Variants in SH3YL1 observed in about 807,000 individuals in gnomAD.
SH3YL1 encodes the protein SH3 and SYLF domain containing 1, also known as SH3 domain-containing YSC84-like protein 1.
SH3YL1 carries 41 observed loss-of-function variants against 45.8 expected under a neutral mutation model. The observed-to-expected ratio is 0.89, with a 90% confidence interval of 0.70 to 1.16. The LOEUF (loss-of-function observed/expected upper bound fraction) is 1.16, where lower values mean the gene tolerates loss of function less well. Ranked by LOEUF, SH3YL1 falls within the 50% of genes most tolerant of loss-of-function variation. The pLI is 0.00. For synonymous variants in SH3YL1, 152 were observed against 151.4 expected (o/e 1.00, Z -0.03); for missense variants, 389 against 409.6 (o/e 0.95, Z 0.43).
intron 9 of SH3YL1, among the ~76,000 whole-genome samples, chr2:219,671 T>C (rs1327864403): frequency 6.6e-6 from 1 of 152,198 alleles, no homozygotes; most frequent in African/African-American, 2.4e-5. Context: ...GGATGGCAGA[T>C]GCTGGAGAAA....
chr2:254,775 A>C (rs1265658295), intron 1 of SH3YL1, among the ~76,000 whole-genome samples: 1 of 152,164 alleles, frequency 6.6e-6, no homozygotes, highest in African/African-American at 2.4e-5. Context: ...CAACAGATGG[A>C]ACTCAGACTC....
At chr2:244,150 A>C (rs2067326500) in intron 4 of SH3YL1, among the ~76,000 whole-genome samples, 2 of 151,446 alleles carry the variant, frequency 1.3e-5, no homozygotes, top group African/African-American at 4.9e-5. Context: ...GATGACAACC[A>C]CCTTCCATGG....
intron 7 of SH3YL1, chr2:230,734 C>T: frequency 2.9e-6 from 1 of 348,996 alleles, no homozygotes; most frequent in South Asian, 3.1e-5. Flanking sequence ...GTCTGAAACT[C>T]CTGATCTCAA....
chr2:255,062 C>G (rs564695887), intron 1 of SH3YL1, among the ~76,000 whole-genome samples: 25 of 152,320 alleles, frequency 1.6e-4, no homozygotes, highest in African/African-American at 5.8e-4. Context: ...ATACTCAAAT[C>G]GCCTTGAGCA....
intron 1 of SH3YL1, chr2:260,370 A>G (rs1010254161): frequency 3.9e-5 from 6 of 152,238 alleles, no homozygotes; most frequent in African/African-American, 1.4e-4. Context: ...TTGATGCTGC[A>G]GCCATAGTAT....
chr2:237,787 C>G (rs1019301963), intron 4 of SH3YL1, among the ~76,000 whole-genome samples: 3 of 151,644 alleles, frequency 2.0e-5, no homozygotes, highest in Non-Finnish European at 4.4e-5. Flanking sequence ...TAAATTATTA[C>G]AAGTACCAGG....
intron 2 of SH3YL1, 60 bp downstream of exon 2, chr2:252,945 C>G: frequency 9.2e-7 from 1 of 1,091,836 alleles, no homozygotes; most frequent in Non-Finnish European, 1.3e-6. Context: ...TCGAACAATG[C>G]AAAAAACAAC....
Position 251,877 on chromosome 2 carries a change from A to G in SH3YL1, c.112+1128T>C, listed in dbSNP as rs528973582. 4.3e-4 allele frequency among the ~76,000 whole-genome samples: 66 copies of G among 152,366 alleles called. No homozygotes were observed. The South Asian group carries it at 0.013, about 31-fold the overall frequency. ...TTAAAGTTCTATTAAATAACTTTAG[A>G]TATCTGGCTTAGAAAAATTAACTTT... On this transcript the variant is annotated intron_variant, in intron 2 of 9. Coordinates refer to ENST00000356150, the MANE Select transcript of SH3YL1 (RefSeq NM_015677.4).
rs1668209722 is a variant in SH3YL1 at position 234,758 on chromosome 2, G to C, written c.292-486C>G. ...CCTTTCTACACTCTCCTCCTGGCCA[G>C]GGGTGTGCTCCTTACCAGGAAGCTG... On this transcript the variant is annotated intron_variant, in intron 4 of 9. Coordinates refer to ENST00000356150, the MANE Select transcript of SH3YL1 (RefSeq NM_015677.4). 2.6e-5 allele frequency among the ~76,000 whole-genome samples: 4 copies of C among 152,186 alleles called. No individual in the cohort carries two copies. In the South Asian group the frequency reaches 8.3e-4, roughly 32 times the overall value.
At chr2:251,618 AGT>A (rs915772489) in intron 2 of SH3YL1, among the ~76,000 whole-genome samples, 119 of 152,192 alleles carry the variant, frequency 7.8e-4, no homozygotes, top group African/African-American at 2.6e-3. Flanking sequence ...TTCTGAAACT[AGT>A]GTGTGTGTGC....
chr2:257,048 T>C (rs563276993), intron 1 of SH3YL1, among the ~76,000 whole-genome samples: 2 of 152,304 alleles, frequency 1.3e-5, no homozygotes, highest in South Asian at 4.1e-4. Context: ...CCACGTCCTT[T>C]AACCACTTAT....
At chr2:225,845 A>G (rs1667766131) in intron 8 of SH3YL1, among the ~76,000 whole-genome samples, 1 of 152,254 alleles carries the variant, frequency 6.6e-6, no homozygotes, top group Admixed American at 6.5e-5. Flanking sequence ...AAAGGCACAG[A>G]AATTACAAAG....
chr2:249,922 T>A, intron 2 of SH3YL1, 78 bp from the exon 3 acceptor site: 1 of 1,005,940 alleles, frequency 9.9e-7, no homozygotes, highest in South Asian at 1.4e-5. Flanking sequence ...TTAAACAGAG[T>A]CAGTGTACAC....
chr2:256,129 A>G (rs1247689508), intron 1 of SH3YL1: 1 of 152,198 alleles, frequency 6.6e-6, no homozygotes, highest in African/African-American at 2.4e-5. Context: ...TTCTGTCATT[A>G]AGTATGAATT....
chr2:229,683 C>T (rs1248649594), intron 8 of SH3YL1, among the ~76,000 whole-genome samples: 10 of 147,104 alleles, frequency 6.8e-5, no homozygotes, highest in African/African-American at 1.0e-4. Context: ...GAGCCGAGAT[C>T]CCGCCACTGC....
intron 4 of SH3YL1, among the ~76,000 whole-genome samples, chr2:247,038 A>G (rs1668846827): frequency 6.6e-6 from 1 of 152,208 alleles, no homozygotes; most frequent in Non-Finnish European, 1.5e-5. Flanking sequence ...GTGAGTGTGC[A>G]TGTCTGCCCG....
chr2:242,800 T>C (rs10181051), intron 4 of SH3YL1: 585,084 of 1,532,826 alleles, frequency 0.38, 115,767 homozygotes, highest in East Asian at 0.6. Context: ...AAAGTTACCA[T>C]TAGATTGACA....
chr2:263,797 C>CA, intron 1 of SH3YL1, 187 bp downstream of exon 1: 1 of 494,888 alleles, frequency 2.0e-6, no homozygotes, highest in Non-Finnish European at 3.7e-6. Flanking sequence ...AAACTTCAAT[C>CA]AAAATCGCTG....
At chr2:242,270 T>C (rs1321521143) in intron 4 of SH3YL1, 1 of 152,074 alleles carries the variant, frequency 6.6e-6, no homozygotes, top group Non-Finnish European at 1.5e-5. Context: ...CTCTCAATTA[T>C]TCTCTGAGTT....
Sources: allele counts gnomAD v4.1 joint callset (sites outside exome capture counted in the v4.1 genomes callset), GRCh38; gene constraint gnomAD v4.1.1; transcripts MANE v1.5; gene names NCBI Gene and HGNC (gene_info 2026-07-23, HGNC 2026-07-21).